MKX: variants seen among roughly 807,000 people sequenced by gnomAD.
MKX encodes the protein mohawk homeobox.
MKX carries 13 observed loss-of-function variants against 36.0 expected under a neutral mutation model. The observed-to-expected ratio is 0.36, with a 90% CI of 0.24 to 0.57. The LOEUF (loss-of-function observed/expected upper bound fraction) is 0.57, where lower values mean the gene tolerates loss of function less well. MKX is among the 20% of genes least tolerant of loss of function. The probability of loss-of-function intolerance (pLI) is 0.79; values close to 1 mark genes in which losing one functional copy is unlikely to be tolerated. For synonymous variants in MKX, 176 were observed against 178.3 expected (o/e 0.99, Z 0.10); for missense variants, 458 against 456.4 (o/e 1.00, Z -0.03).
Position 27,743,214 on chromosome 10 carries a change from G to A in MKX, c.188+14C>T, listed in dbSNP as rs1270569598. On this transcript the variant is annotated intron_variant, in intron 2 of 6. Transcript: ENST00000419761. The stretch of plus-strand genomic sequence containing the variant: ...GGCCGCAGGCGGGCAGGGCCCCCAG[G>A]GGAGTGCGCATACCCGGTCCTCCGG... 10 of 1,470,554 alleles carry A rather than the reference G, an allele frequency of 6.8e-6. No individual in the cohort carries two copies. Among genetic ancestry groups the A allele is most frequent in the Admixed American group, 5.5e-5 (2 of 36,222 alleles). 91.1% of individuals were successfully genotyped at this position (1,470,554 alleles called of 1,614,324 possible).
At chr10:27,700,190 T>C (rs1589666663) in intron 5 of MKX, among the ~76,000 whole-genome samples, 1 of 152,222 alleles carries the variant, frequency 6.6e-6, no homozygotes, top group African/African-American at 2.4e-5. Flanking sequence ...GGATTTTAGA[T>C]GATTTACTAA....
At chr10:27,688,479 A>G (rs1836397918) in intron 5 of MKX, among the ~76,000 whole-genome samples, 1 of 152,250 alleles carries the variant, frequency 6.6e-6, no homozygotes, top group East Asian at 1.9e-4. Flanking sequence ...GCCACATTAA[A>G]GAATATCTAT....
intron 5 of MKX, among the ~76,000 whole-genome samples, chr10:27,717,773 C>A (rs1339401009): frequency 1.3e-5 from 2 of 152,222 alleles, no homozygotes; most frequent in African/African-American, 4.8e-5. Context: ...ACATGTAAAA[C>A]TCGACCTCAT....
intron 5 of MKX, among the ~76,000 whole-genome samples, chr10:27,701,760 T>C (rs956539070): frequency 2.1e-5 from 3 of 145,960 alleles, no homozygotes; most frequent in African/African-American, 7.5e-5. Context: ...ATATATTATA[T>C]ATAAATTATA....
chr10:27,713,879 T>C (rs1208644390), intron 5 of MKX, among the ~76,000 whole-genome samples: 1 of 152,132 alleles, frequency 6.6e-6, no homozygotes, highest in Non-Finnish European at 1.5e-5. Flanking sequence ...CTTTAGATGA[T>C]ATTTTCATCA....
intron 5 of MKX, among the ~76,000 whole-genome samples, chr10:27,683,695 T>C (rs1836294601): frequency 6.6e-6 from 1 of 152,256 alleles, no homozygotes; most frequent in Non-Finnish European, 1.5e-5. Context: ...AGTGTGTTAC[T>C]GACCTCAGAA....
chr10:27,689,009 T>G (rs1372257827), intron 5 of MKX, among the ~76,000 whole-genome samples: 1 of 152,232 alleles, frequency 6.6e-6, no homozygotes, highest in Admixed American at 6.5e-5. Context: ...CCATCTATTT[T>G]CAAACTCCTC....
At chr10:27,678,316 T>C (rs1425043291) in intron 5 of MKX, among the ~76,000 whole-genome samples, 4 of 152,240 alleles carry the variant, frequency 2.6e-5, no homozygotes, top group Non-Finnish European at 4.4e-5. Context: ...GTTAGGCCTT[T>C]GCTCCGTTTT....
intron 3 of MKX, among the ~76,000 whole-genome samples, chr10:27,736,401 T>TTAC (rs1834778948): frequency 6.6e-6 from 1 of 152,130 alleles, no homozygotes; most frequent in African/African-American, 2.4e-5. Context: ...TTTAAAGATG[T>TTAC]TACTGGATTT....
chr10:27,729,870 G>A (rs993126701), intron 5 of MKX, among the ~76,000 whole-genome samples: 3 of 151,938 alleles, frequency 2.0e-5, no homozygotes, highest in Admixed American at 2.0e-4. Flanking sequence ...CGGCAAAAAC[G>A]GTTCCATCTG....
At chr10:27,712,171 GA>G (rs1470255265) in intron 5 of MKX, among the ~76,000 whole-genome samples, 2 of 152,108 alleles carry the variant, frequency 1.3e-5, no homozygotes, top group East Asian at 1.9e-4. Flanking sequence ...AAAGGAACCT[GA>G]AAAAAGCTCT....
chr10:27,718,676 A>T (rs1381866685), intron 5 of MKX: 1 of 315,006 alleles, frequency 3.2e-6, no homozygotes, highest in East Asian at 8.2e-5. Flanking sequence ...CTTGGACTCC[A>T]GTCACATTTC....
intron 5 of MKX, among the ~76,000 whole-genome samples, chr10:27,714,933 A>T (rs898252313): frequency 6.6e-6 from 1 of 152,220 alleles, no homozygotes; most frequent in Non-Finnish European, 1.5e-5. Context: ...ATCTACAGGC[A>T]GGGGCAGTGA....
rs951655782 is a variant in MKX at position 27,744,244 on chromosome 10, C to A, written c.-82-747G>T. 3.2e-4 allele frequency among the ~76,000 whole-genome samples: 48 copies of A among 152,248 alleles called. No homozygotes were observed. Among genetic ancestry groups the A allele is most frequent in the African/African-American group, 1.0e-3 (42 of 41,564 alleles). On this transcript the variant is annotated intron_variant, in intron 1 of 6. Coordinates refer to ENST00000419761, the MANE Select transcript of MKX (RefSeq NM_173576.3). This position sits in a 1 kb window ranked among gnomAD's most constrained non-coding sequence, Gnocchi z 5.6. The stretch of plus-strand genomic sequence containing the variant: ...TGCATGGTCCTAAGGTCCAAGGCGC[C>A]AGGACCCAGGTCCCCAGAGCCCTCA...
intron 5 of MKX, among the ~76,000 whole-genome samples, chr10:27,731,643 T>C (rs964897375): frequency 7.8e-6 from 1 of 127,624 alleles, no homozygotes; most frequent in Non-Finnish European, 1.6e-5. Flanking sequence ...GCTTTCTCAT[T>C]GCTTGCATAA....
At chr10:27,720,047 G>A (rs1231791907) in intron 5 of MKX, among the ~76,000 whole-genome samples, 1 of 150,090 alleles carries the variant, frequency 6.7e-6, no homozygotes, top group Non-Finnish European at 1.5e-5. Flanking sequence ...AAAAGTTAAA[G>A]ACCAAATTAT....
At chr10:27,738,189 G>T (rs573645872) in intron 3 of MKX, among the ~76,000 whole-genome samples, 45 of 151,980 alleles carry the variant, frequency 3.0e-4, no homozygotes, top group African/African-American at 1.0e-3. Context: ...TTCTGCTGGG[G>T]TTTTTTGTTC....
At chr10:27,706,438 A>G (rs1340218380) in intron 5 of MKX, among the ~76,000 whole-genome samples, 1 of 151,742 alleles carries the variant, frequency 6.6e-6, no homozygotes, top group African/African-American at 2.4e-5. Flanking sequence ...TCTATTTTTA[A>G]TTTTTTGAAG....
rs1466195497 is a variant in MKX, at chr10:27,734,596, T to C, written c.698A>G (p.His233Arg). ...CATGGTAGTGTTCGTGGCCATGACA[T>C]GTCTCAAAGAGTCATTAAGGTAACG... Reference protein sequence around the residue: ...LNRYLNDSLRHVMATNTTMMG... With the variant: ...LNRYLNDSLRRVMATNTTMMG... The change falls in exon 5 of 7, where the codon CAT becomes CGT. Residue 233 changes from histidine to arginine, a missense_variant. By Grantham distance (29) the His-to-Arg change is conservative. Transcript: ENST00000419761. The C allele has an allele frequency of 6.2e-7, 1 of 1,614,158 alleles. No individual in the cohort carries two copies.
Sources: gnomAD v4.1 joint callset for allele counts (sites outside exome capture counted in the v4.1 genomes callset) on GRCh38, gnomAD v4.1.1 for gene constraint, Gnocchi (gnomAD v3.1) non-coding constraint, MANE v1.5 for transcripts, NCBI Gene and HGNC (gene_info 2026-07-23, HGNC 2026-07-21) for gene names.